OLFM1: variants seen among roughly 807,000 people sequenced by gnomAD.
The protein encoded by OLFM1 is olfactomedin 1, also known as noelin.
In OLFM1, 9 loss-of-function variants were observed where a neutral mutation model predicts 49.7. The ratio of observed to expected loss-of-function variants is 0.18; its 90% CI spans 0.11 to 0.32. The LOEUF (loss-of-function observed/expected upper bound fraction) is 0.32. Ranked by LOEUF, OLFM1 falls within the 10% of genes least tolerant of loss-of-function variation. OLFM1 has a pLI of 1.00. For synonymous variants in OLFM1, 240 were observed against 271.8 expected (o/e 0.88, Z 1.15); for missense variants, 369 against 661.8 (o/e 0.56, Z 4.85).
chr9:135,109,322 T>C (rs565165303), intron 5 of OLFM1, among the ~76,000 whole-genome samples: 1 of 152,134 alleles, frequency 6.6e-6, no homozygotes, highest in South Asian at 2.1e-4. Context: ...GCAGCGAGGG[T>C]GTGGGTTTGC....
At chr9:135,112,084 G>C (rs960810765) in intron 5 of OLFM1, among the ~76,000 whole-genome samples, 1 of 152,182 alleles carries the variant, frequency 6.6e-6, no homozygotes, top group African/African-American at 2.4e-5. Flanking sequence ...GGGGCTCTCA[G>C]CATACGTTGT....
In OLFM1 at chr9:135,119,357, T is replaced by TCTGGGTCTTTGGAGTGCTCA. The variant is rs1831153664; in HGVS notation, c.784-126_784-107dup. ...TGCTCACGGGGTCTTTGGAGTGCTT[T>TCTGGGTCTTTGGAGTGCTCA]CTGGGTCTTTGGAGTGCTCACTGGG... On this transcript the variant is annotated intron_variant, in intron 5 of 5. Coordinates refer to ENST00000371793, the MANE Select transcript of OLFM1 (RefSeq NM_001282611.2). 17 of 604,646 alleles carry TCTGGGTCTTTGGAGTGCTCA rather than the reference T, an allele frequency of 2.8e-5. No individual in the cohort carries two copies. The East Asian group carries it at 3.0e-4, about 11-fold the overall frequency. 37.5% of individuals were successfully genotyped at this position (604,646 alleles called of 1,614,324 possible). A position where few individuals can be genotyped will look rare whatever the true frequency, so the allele number is the denominator to read the frequency against.
chr9:135,097,641 A>C (rs907391920), intron 3 of OLFM1: 10 of 773,474 alleles, frequency 1.3e-5, no homozygotes, highest in Non-Finnish European at 2.3e-5. Flanking sequence ...TAACTCTTAA[A>C]GCAGTTTGTT....
At chr9:135,086,607 TGGA>T, upstream of OLFM1, 1 of 456,094 alleles carries the variant, frequency 2.2e-6, no homozygotes, top group South Asian at 1.5e-5. Flanking sequence ...GAAAGCTTAA[TGGA>T]AGGCCCCGGA....
chr9:135,077,150 G>GCGCACA lies in OLFM1; in HGVS notation c.96+1349_96+1350insGCACAC, dbSNP rs1554751435. On this transcript the variant is annotated intron_variant, in intron 1 of 5. Transcript: ENST00000252854. ...GCTGGACAGATGCATTCATTCATGT[G>GCGCACA]CACACACACACACACACATGCACAC... 7 of 1,509,126 alleles carry GCGCACA rather than the reference G, an allele frequency of 4.6e-6. No homozygotes were observed. In the Admixed American group the frequency reaches 8.0e-5, roughly 17 times the overall value. 93.5% of individuals were successfully genotyped at this position (1,509,126 alleles called of 1,614,324 possible). A position where few individuals can be genotyped will look rare whatever the true frequency, so the allele number is the denominator to read the frequency against.
chr9:135,104,994 TCTC>T (rs1830921284), intron 4 of OLFM1, among the ~76,000 whole-genome samples: 2 of 152,108 alleles, frequency 1.3e-5, no homozygotes, highest in South Asian at 2.1e-4. Flanking sequence ...GCTGTGGCCA[TCTC>T]CTCTCCATCC....
chr9:135,090,515 G>T (rs577303489), intron 2 of OLFM1, among the ~76,000 whole-genome samples, 171 bp downstream of exon 2: 1 of 151,972 alleles, frequency 6.6e-6, no homozygotes. Flanking sequence ...TGAGTGAAAG[G>T]GTGGATGGAC....
chr9:135,091,691 A>ACACTCAGTCTCACACATAGT (rs1830703933), intron 2 of OLFM1, among the ~76,000 whole-genome samples: 1 of 87,342 alleles, frequency 1.1e-5, no homozygotes, highest in East Asian at 3.5e-4. Flanking sequence ...ATAGTCTCAC[A>ACACTCAGTCTCACACATAGT]CACACACAGT....
chr9:135,077,332 A>T, intron 1 of OLFM1: 1 of 1,354,932 alleles, frequency 7.4e-7, no homozygotes, highest in Non-Finnish European at 9.5e-7. Flanking sequence ...AGGGCCCTCC[A>T]AGCCTTAATG....
intron 2 of OLFM1, among the ~76,000 whole-genome samples, chr9:135,090,949 A>T (rs917438058): frequency 6.6e-6 from 1 of 152,360 alleles, no homozygotes; most frequent in South Asian, 2.1e-4. Flanking sequence ...AGGTTTGCAT[A>T]TGTCGTTTGC....
chr9:135,098,317 C>T lies in OLFM1; in HGVS notation c.488C>T (p.Pro163Leu). 1 of 1,613,838 alleles carries T rather than the reference C, an allele frequency of 6.2e-7. No homozygotes were observed. Among genetic ancestry groups the T allele is most frequent in the Non-Finnish European group, 8.5e-7 (1 of 1,180,020 alleles). The stretch of plus-strand genomic sequence containing the variant: ...AAAGCGAAAATGGATGAACTTAGGC[C>T]TTTGATACCTGTGTTGGAAGAGTAC... ...AIKAKMDELRPLIPVLEEYKA... is the reference protein window; with the variant it reads ...AIKAKMDELRLLIPVLEEYKA... Residue 163 changes from proline (P) to leucine (L), a missense_variant, in exon 4 of 6, where the codon CCT becomes CTT. Transcript: ENST00000371793. The surrounding 1 kb of genome is among the most constrained non-coding windows in gnomAD (Gnocchi z 5.6).
At position 135,120,331 on chromosome 9, in the gene OLFM1, G is replaced by A. The variant is rs949868047; in HGVS notation, c.*153G>A. 25 of 700,300 alleles carry A rather than the reference G, an allele frequency of 3.6e-5. 1 individual carries two copies. The highest frequency in any genetic ancestry group is 1.9e-4 in the East Asian group (7 of 36,338). 43.4% of individuals were successfully genotyped at this position (700,300 alleles called of 1,614,324 possible). ...GACATCGAGGGATGGCATTACCTCC[G>A]TGTTTCTCCCTTTCGAGCCGGCGGG... On this transcript the variant is annotated 3_prime_UTR_variant, in exon 6 of 6. Coordinates refer to ENST00000371793, the MANE Select transcript of OLFM1 (RefSeq NM_001282611.2).
At chr9:135,076,785 C>G (rs1369747858) in intron 1 of OLFM1, 1 of 1,513,004 alleles carries the variant, frequency 6.6e-7, no homozygotes, top group Admixed American at 2.1e-5. Context: ...CCCTTCTTTC[C>G]TTCCTCCCTT....
chr9:135,109,131 G>A lies in OLFM1; in HGVS notation c.783+2276G>A, dbSNP rs372855887. 6.6e-5 allele frequency among the ~76,000 whole-genome samples: 10 copies of A among 152,252 alleles called. No homozygotes were observed. The East Asian group carries it at 9.6e-4, about 15-fold the overall frequency. On this transcript the variant is annotated intron_variant, in intron 5 of 5. Transcript: ENST00000371793. ...CCCCCAGGACTGGACTGCTTTGTCT[G>A]TACCTTACACCCCCCAGGGCTGGAC...
At chr9:135,118,450 A>G (rs72760821) in intron 5 of OLFM1, among the ~76,000 whole-genome samples, 27,986 of 95,782 alleles carry the variant, frequency 0.29, 3,481 homozygotes, top group Non-Finnish European at 0.35. Context: ...AGTGCTCACC[A>G]GGTCTTTAGA....
In OLFM1 at chr9:135,088,184, T is replaced by TCCTCCTCCC. The variant is rs781639033; in HGVS notation, c.150+53_150+61dup. The TCCTCCTCCC allele has an allele frequency of 4.9e-4, 624 of 1,266,504 alleles. No homozygotes were observed. Among genetic ancestry groups the TCCTCCTCCC allele is most frequent in the Non-Finnish European group, 5.8e-4 (576 of 997,164 alleles). The allele number at this position is 1,266,504 out of a possible 1,614,324, so 78.5% of individuals were successfully genotyped here. ...GCCTTGGCGCGGCTCCTCCTCCTCC[T>TCCTCCTCCC]CCTCCTCCCCCTCCTCGGTCCGGAG... On this transcript the variant is annotated intron_variant, in intron 1 of 5. Transcript: ENST00000371793. The surrounding 1 kb of genome is among the most constrained non-coding windows in gnomAD (Gnocchi z 4.8).
chr9:135,076,207 C>T (rs1047937105), intron 1 of OLFM1: 90 of 1,550,506 alleles, frequency 5.8e-5, no homozygotes, highest in Non-Finnish European at 7.7e-5. Flanking sequence ...AGTCCTACCC[C>T]CAACACACAC....
chr9:135,088,092 A>G lies in OLFM1; in HGVS notation c.103A>G (p.Thr35Ala). Reference protein sequence around the residue: ...TLPSLVGLNTTKLSAAGGGTL... With the variant: ...TLPSLVGLNTAKLSAAGGGTL... ...GCCCTCGCTGGTGGGCCTCAACACC[A>G]CCAAGCTCTCGGCGGCCGGCGGCGG... Residue 35 changes from threonine (T) to alanine (A), a missense_variant, in exon 1 of 6, where the codon ACC becomes GCC. Physicochemically the swap from Thr to Ala is moderately conservative, Grantham distance 58 (BLOSUM62 0). Coordinates refer to ENST00000371793, the MANE Select transcript of OLFM1 (RefSeq NM_001282611.2). The surrounding 1 kb of genome is among the most constrained non-coding windows in gnomAD (Gnocchi z 4.8). The G allele has an allele frequency of 7.0e-7, 1 of 1,426,172 alleles. No homozygotes were observed. Among genetic ancestry groups the G allele is most frequent in the Non-Finnish European group, 9.3e-7 (1 of 1,075,042 alleles). The allele number at this position is 1,426,172 out of a possible 1,614,324, so 88.3% of individuals were successfully genotyped here. A position where few individuals can be genotyped will look rare whatever the true frequency, so the allele number is the denominator to read the frequency against.
Position 135,115,565 on chromosome 9 carries a change from G to T in OLFM1, c.784-3939G>T, listed in dbSNP as rs547510701. Among the ~76,000 whole-genome samples, 23 of 152,368 alleles carry T rather than the reference G, an allele frequency of 1.5e-4. No individual in the cohort carries two copies. The East Asian group carries it at 4.4e-3, about 29-fold the overall frequency. On this transcript the variant is annotated intron_variant, in intron 5 of 5. Coordinates refer to ENST00000371793, the MANE Select transcript of OLFM1 (RefSeq NM_001282611.2). Reference sequence around the variant, plus strand: ...GTGTGGGACCGGATCATGCCTCGTTGCAGGGGGCTGTTGGTGTGTGGGGAT... The same window carrying T: ...GTGTGGGACCGGATCATGCCTCGTTTCAGGGGGCTGTTGGTGTGTGGGGAT...
Sources: gnomAD v4.1 joint callset for allele counts (sites outside exome capture counted in the v4.1 genomes callset) on GRCh38, gnomAD v4.1.1 for gene constraint, Gnocchi (gnomAD v3.1) non-coding constraint, MANE v1.5 for transcripts, NCBI Gene and HGNC (gene_info 2026-07-23, HGNC 2026-07-21) for gene names.